The following DDHD2 variants were observed in gnomAD, a reference collection of about 807,000 sequenced individuals.
DDHD2 encodes triacylglycerol hydrolase DDHD2.
DDHD2 carries 62 observed loss-of-function variants against 91.2 expected under a neutral mutation model. That is an observed-to-expected ratio of 0.68 (90% CI 0.55 to 0.84). The LOEUF is 0.84. Among genes scored for constraint, DDHD2 ranks in the 40% least tolerant of loss-of-function variants. The probability of loss-of-function intolerance (pLI) is 0.00; values close to 1 mark genes in which losing one functional copy is unlikely to be tolerated. For synonymous variants in DDHD2, 271 were observed against 293.9 expected, an observed-to-expected ratio of 0.92 and a Z score of 0.80; for missense variants, 740 against 846.9, an observed-to-expected ratio of 0.87 and a Z score of 1.57.
rs1806216640 is a variant in DDHD2 at position 38,252,831 on chromosome 8, C to G, written c.1720+7C>G. On this transcript the variant is annotated splice_region_variant and intron_variant, in intron 14 of 17. Coordinates refer to ENST00000397166, the MANE Select transcript of DDHD2 (RefSeq NM_015214.3). ...AGGAAGCGGATGCACTTAGGTAAGT[C>G]CGAGCATAGAACTTGATAATTCTAG... The G allele has an allele frequency of 6.2e-7, 1 of 1,613,232 alleles. No individual in the cohort carries two copies. Among genetic ancestry groups the G allele is most frequent in the Non-Finnish European group, 8.5e-7 (1 of 1,179,312 alleles).
At chr8:38,265,129 GGTGGCAT>G (rs1445111929), downstream of DDHD2, 11 of 558,798 alleles carry the variant, frequency 2.0e-5, no homozygotes, top group African/African-American at 2.1e-4. Flanking sequence ...AGCCGGGCGT[GGTGGCAT>G]GTGCCTGTAA....
In DDHD2 at chr8:38,254,073, C is replaced by T. The variant is rs190900336; in HGVS notation, c.2054+355C>T. On this transcript the variant is annotated intron_variant, in intron 16 of 17. Transcript: ENST00000397166. ...CCTGGGTGACAGAGCAAGACCCTGTCTCAAAAAAAAAAAAAGACCTGTGTA... is the reference window on the plus strand; with the variant it reads ...CCTGGGTGACAGAGCAAGACCCTGTTTCAAAAAAAAAAAAAGACCTGTGTA... Among the ~76,000 whole-genome samples the T allele has an allele frequency of 2.1e-3, 252 of 117,636 alleles. 3 individuals are homozygous for T. The highest frequency in any genetic ancestry group is 7.2e-3 in the African/African-American group (231 of 32,032). The allele number at this position is 117,636 out of a possible 152,430, so 77.2% of individuals were successfully genotyped here. A position where few individuals can be genotyped will look rare whatever the true frequency, so the allele number is the denominator to read the frequency against.
At chr8:38,236,327 GT>G (rs72487313) in intron 3 of DDHD2, among the ~76,000 whole-genome samples, 157 of 135,754 alleles carry the variant, frequency 1.2e-3, no homozygotes, top group African/African-American at 2.4e-3. Context: ...CTTGTTTTTG[GT>G]TTTTTTTTTT....
Position 38,252,192 on chromosome 8 carries a change from C to G in DDHD2, c.1522C>G (p.Pro508Ala). ...AGAGATATTCTTTGCCTTTGGATCT[C>G]CCATTGGAATGTTCCTTACTGTCCG... ...KPEIFFAFGS[P>A]IGMFLTVRGL... The change falls in exon 13 of 18, where the codon CCC becomes GCC. Residue 508 changes from proline (P) to alanine (A), a missense_variant. Transcript: ENST00000397166. 6.2e-7 allele frequency: 1 copy of G among 1,614,170 alleles called. No homozygotes were observed. Among genetic ancestry groups the G allele is most frequent in the Non-Finnish European group, 8.5e-7 (1 of 1,180,026 alleles).
chr8:38,260,235 A>G (rs973766791), intron 17 of DDHD2, 88 bp downstream of exon 17: 2 of 680,002 alleles, frequency 2.9e-6, no homozygotes, highest in East Asian at 2.8e-5. Flanking sequence ...CTTTTTAAAT[A>G]TACTAGCTGT....
Position 38,268,909 on chromosome 8 carries a change from C to T in DDHD2, n.88-2213C>T, listed in dbSNP as rs1369941461. 2.8e-5 allele frequency: 44 copies of T among 1,557,102 alleles called. No individual in the cohort carries two copies. The East Asian group carries it at 1.0e-3, about 36-fold the overall frequency. ...ACATCGGCTTGGTGGGGAAATACTC[C>T]GCCTCCACGTAGGGGTTCCGGTAGA... On this transcript the variant is annotated intron_variant and non_coding_transcript_variant, in intron 1 of 1. Coordinates refer to the DDHD2 transcript ENST00000526071.
At chr8:38,242,483 TTTAAAATTTC>T in intron 7 of DDHD2, 98 bp downstream of exon 7, 1 of 1,312,322 alleles carries the variant, frequency 7.6e-7, no homozygotes, top group Non-Finnish European at 1.0e-6. Flanking sequence ...TGACTGAATA[TTTAAAATTTC>T]TTAGAGATAT....
rs780610008 is a variant in DDHD2 at position 38,233,084 on chromosome 8, C to T, written c.90C>T (p.Asp30=). 6.2e-6 allele frequency: 10 copies of T among 1,614,156 alleles called. No homozygotes were observed. Among genetic ancestry groups the T allele is most frequent in the Non-Finnish European group, 8.5e-6 (10 of 1,180,010 alleles). The change falls in exon 2 of 18, where the codon GAC becomes GAT. Residue 30 remains aspartate (D), a synonymous_variant. Coordinates refer to ENST00000397166, the MANE Select transcript of DDHD2 (RefSeq NM_015214.3). ...PNSCSSFELI[D]MDAGSLYEPV... ...CATGTAGTTCCTTTGAGCTAATAGA[C>T]ATGGATGCTGGCAGCTTGTATGAAC...
At chr8:38,269,292 G>C in intron 1 of DDHD2, 2 of 1,257,836 alleles carry the variant, frequency 1.6e-6, no homozygotes, top group Non-Finnish European at 2.1e-6. Flanking sequence ...TCTCCCAGTT[G>C]CCCGCGCTCC....
At position 38,233,176 on chromosome 8, in the gene DDHD2, C is replaced by G; in HGVS notation, c.182C>G (p.Ser61Cys). The G allele has an allele frequency of 6.2e-7, 1 of 1,614,054 alleles. No individual in the cohort carries two copies. The highest frequency in any genetic ancestry group is 8.5e-7 in the Non-Finnish European group (1 of 1,179,988). ...DSKETWIPFN[S>C]EDSQQLEEAY... Reference sequence around the variant, plus strand: ...AAGGAGACATGGATTCCTTTCAACTCTGAGGATTCACAGCAGCTGGAAGAG... The same window carrying G: ...AAGGAGACATGGATTCCTTTCAACTGTGAGGATTCACAGCAGCTGGAAGAG... Residue 61 changes from serine (S) to cysteine (C), a missense_variant, in exon 2 of 18, where the codon TCT (serine) becomes TGT (cysteine). By Grantham distance (112) the Ser-to-Cys change is moderately radical. This residue lies in a region of DDHD2 where 693 missense variants were observed against 764.2 expected (regional missense o/e 0.91). Transcript: ENST00000397166.
Position 38,262,185 on chromosome 8 carries a change from AT to A in DDHD2, c.*1613del, listed in dbSNP as rs1807086072. 1 of 152,224 alleles carries A rather than the reference AT, an allele frequency of 6.6e-6. No homozygotes were observed. The highest frequency in any genetic ancestry group is 2.1e-4 in the South Asian group (1 of 4,832). 9.4% of individuals were successfully genotyped at this position (152,224 alleles called of 1,614,324 possible). ...GAATACTTTATTTTTTTAAAGGTAT[AT>A]AAACTCTGAGTTATTGAGAATTAAG... On this transcript the variant is annotated 3_prime_UTR_variant, in exon 18 of 18. Coordinates refer to ENST00000397166, the MANE Select transcript of DDHD2 (RefSeq NM_015214.3).
At chr8:38,255,308 A>G (rs1359175779) in intron 16 of DDHD2, 1 of 507,078 alleles carries the variant, frequency 2.0e-6, no homozygotes, top group Admixed American at 2.0e-5. Flanking sequence ...TAATATATAC[A>G]GTAGAGGCCA....
chr8:38,247,098 T>A (rs1346121453), intron 9 of DDHD2: 2 of 152,224 alleles, frequency 1.3e-5, no homozygotes, highest in African/African-American at 4.8e-5. Context: ...TGTCTTAGAC[T>A]ATTTTATTTC....
chr8:38,272,759 T>A (rs1808513847), downstream of DDHD2: 1 of 152,218 alleles, frequency 6.6e-6, no homozygotes, highest in Non-Finnish European at 1.5e-5. Context: ...CACATATAGA[T>A]TTAAAAGTTA....
downstream of DDHD2, chr8:38,266,985 G>A (rs1807712460): frequency 1.6e-6 from 2 of 1,266,458 alleles, no homozygotes; most frequent in Non-Finnish European, 2.0e-6. Flanking sequence ...GAAACTCTTC[G>A]TTAAAGGTAT....
chr8:38,238,435 A>G lies in DDHD2; in HGVS notation c.622+226A>G, dbSNP rs1804977905. ...AGGATGGGTAAAATTTGGCAATACT[A>G]TCCAGGAAGTCACTAAGTACAGATG... On this transcript the variant is annotated intron_variant, in intron 5 of 17. Coordinates refer to ENST00000397166, the MANE Select transcript of DDHD2 (RefSeq NM_015214.3). 3.1e-6 allele frequency: 4 copies of G among 1,271,952 alleles called. No individual in the cohort carries two copies. In the East Asian group the frequency reaches 1.2e-4, roughly 39 times the overall value. The allele number at this position is 1,271,952 out of a possible 1,614,324, so 78.8% of individuals were successfully genotyped here. A position where few individuals can be genotyped will look rare whatever the true frequency, so the allele number is the denominator to read the frequency against.
Position 38,253,122 on chromosome 8 carries a change from C to CTAGT in DDHD2, c.1887_1890dup (p.Asp631Ter). 6.2e-7 allele frequency: 1 copy of CTAGT among 1,613,402 alleles called. No individual in the cohort carries two copies. The highest frequency in any genetic ancestry group is 8.5e-7 in the Non-Finnish European group (1 of 1,179,658). ...GAACCTGAATCAACTTCAGAGAAGC[C>CTAGT]TAGTGGTCAGTGACACTGTACACAT... On this transcript the variant is annotated frameshift_variant, in exon 15 of 18. Coordinates refer to ENST00000397166, the MANE Select transcript of DDHD2 (RefSeq NM_015214.3). LOFTEE classifies it high-confidence loss of function.
At chr8:38,249,922 G>A in intron 11 of DDHD2, 119 bp downstream of exon 11, 1 of 600,618 alleles carries the variant, frequency 1.7e-6, no homozygotes, top group Non-Finnish European at 2.9e-6. Context: ...TTGATCTTTG[G>A]CTCTTTTTTT....
At chr8:38,252,648 A>C (rs985391726) in intron 13 of DDHD2, 74 bp from the exon 14 acceptor site, 16 of 1,145,534 alleles carry the variant, frequency 1.4e-5, no homozygotes, top group Non-Finnish European at 2.0e-5. Flanking sequence ...TCTCAAAAAA[A>C]AAAAAAAAAA....
Sources: allele counts gnomAD v4.1 joint callset (sites outside exome capture counted in the v4.1 genomes callset), GRCh38; gene constraint gnomAD v4.1.1; regional missense constraint gnomAD v4.1.1; transcripts MANE v1.5; gene names NCBI Gene and HGNC (gene_info 2026-07-23, HGNC 2026-07-21).